The following ELP4 variants were observed in gnomAD, a reference collection of about 807,000 sequenced individuals.
The protein encoded by ELP4 is elongator complex protein 4.
Under a neutral mutation model 48.9 loss-of-function variants are expected in ELP4, and 51 were observed. The ratio of observed to expected loss-of-function variants is 1.04; its 90% CI spans 0.83 to 1.32. ELP4 has a LOEUF of 1.32. ELP4 is among the 40% of genes most tolerant of loss of function. The pLI is 0.00. For missense variants in ELP4, 519 were observed against 514.6 expected, an observed-to-expected ratio of 1.01 and a Z score of -0.08; for synonymous variants, 210 against 189.2, an observed-to-expected ratio of 1.11 and a Z score of -0.90.
intron 9 of ELP4, among the ~76,000 whole-genome samples, chr11:31,744,358 T>C (rs955315620): frequency 2.0e-5 from 3 of 152,040 alleles, no homozygotes; most frequent in Non-Finnish European, 2.9e-5. Context: ...TTCCAATCAA[T>C]AGAAAAAGAG....
intron 2 of ELP4, among the ~76,000 whole-genome samples, chr11:31,522,859 C>CTT (rs1161716080): frequency 1.5e-4 from 21 of 137,984 alleles, no homozygotes; most frequent in Non-Finnish European, 1.1e-4. Context: ...AAGTTCTCCA[C>CTT]TTTTTTTTTT....
At chr11:31,702,092 A>T (rs1946535884) in intron 9 of ELP4, among the ~76,000 whole-genome samples, 1 of 152,080 alleles carries the variant, frequency 6.6e-6, no homozygotes, top group South Asian at 2.1e-4. Context: ...ATGTTTACAC[A>T]TGTTGAGATG....
chr11:31,566,235 G>C (rs1251194454), intron 3 of ELP4, among the ~76,000 whole-genome samples: 1 of 152,070 alleles, frequency 6.6e-6, no homozygotes, highest in Non-Finnish European at 1.5e-5. Flanking sequence ...GTATGCACCT[G>C]TAGTCCCAGC....
chr11:31,725,462 T>C (rs989344403), intron 9 of ELP4, among the ~76,000 whole-genome samples: 1 of 152,192 alleles, frequency 6.6e-6, no homozygotes, highest in African/African-American at 2.4e-5. Flanking sequence ...CTCTCTGCCC[T>C]GCCATTTCTC....
chr11:31,750,295 A>T (rs529584153), intron 9 of ELP4, among the ~76,000 whole-genome samples: 1 of 152,222 alleles, frequency 6.6e-6, no homozygotes, highest in Non-Finnish European at 1.5e-5. Flanking sequence ...AATCAGCCTC[A>T]GTGTGGGTAG....
At chr11:31,523,843 A>G (rs1403205444) in intron 2 of ELP4, among the ~76,000 whole-genome samples, 1 of 152,138 alleles carries the variant, frequency 6.6e-6, no homozygotes, top group Non-Finnish European at 1.5e-5. Context: ...TTACTTTCTG[A>G]CAGTCTGTTA....
chr11:31,659,542 T>C (rs1381852175), intron 9 of ELP4, among the ~76,000 whole-genome samples: 2 of 152,194 alleles, frequency 1.3e-5, no homozygotes, highest in African/African-American at 2.4e-5. Flanking sequence ...AAAACTTGTT[T>C]CAAATATTAT....
intron 9 of ELP4, among the ~76,000 whole-genome samples, chr11:31,749,654 T>C (rs1387278818): frequency 6.6e-6 from 1 of 152,116 alleles, no homozygotes; most frequent in East Asian, 1.9e-4. Flanking sequence ...CTGTGGAGTA[T>C]AGGTAAAAAG....
chr11:31,629,134 T>C (rs1944807886), intron 6 of ELP4, among the ~76,000 whole-genome samples: 1 of 151,976 alleles, frequency 6.6e-6, no homozygotes, highest in Non-Finnish European at 1.5e-5. Context: ...GTGCAGACAT[T>C]TACAAATTGC....
intron 9 of ELP4, among the ~76,000 whole-genome samples, chr11:31,678,790 T>C (rs947291639): frequency 6.6e-6 from 1 of 152,126 alleles, no homozygotes; most frequent in Non-Finnish European, 1.5e-5. Flanking sequence ...GTATAACTGA[T>C]AGATTGTATA....
intron 3 of ELP4, among the ~76,000 whole-genome samples, chr11:31,562,076 G>A (rs1957033214): frequency 6.6e-6 from 1 of 152,118 alleles, no homozygotes; most frequent in African/African-American, 2.4e-5. Context: ...ACATATTGCT[G>A]GGACCTCGAT....
chr11:31,574,497 C>T (rs1957238137), intron 3 of ELP4, among the ~76,000 whole-genome samples: 1 of 152,244 alleles, frequency 6.6e-6, no homozygotes, highest in African/African-American at 2.4e-5. Context: ...CAACTGGGTC[C>T]CTGACCCCTG....
chr11:31,664,869 A>G (rs948803684), intron 9 of ELP4, among the ~76,000 whole-genome samples: 2 of 152,224 alleles, frequency 1.3e-5, no homozygotes, highest in African/African-American at 4.8e-5. Context: ...TTGAAAATAC[A>G]TTACAGAAAC....
chr11:31,652,667 C>G (rs1333901725), intron 9 of ELP4: 2 of 151,762 alleles, frequency 1.3e-5, no homozygotes, highest in Non-Finnish European at 2.9e-5. Context: ...AATAGGTAGT[C>G]TACTGAATCT....
At chr11:31,533,525 C>T (rs968618656) in intron 2 of ELP4, among the ~76,000 whole-genome samples, 1 of 151,376 alleles carries the variant, frequency 6.6e-6, no homozygotes. Flanking sequence ...CTACATGCGC[C>T]GGCCATCAAG....
rs771632358 is a variant in ELP4 at position 31,509,994 on chromosome 11, A to G, written c.210A>G (p.Leu70=). ...QLLVSTGLPA[L]DQLLGGGLAV... is the part of the protein sequence containing the mutation. Reference sequence around the variant, plus strand: ...TGGTATCAACCGGGCTCCCAGCCCTAGACCAGCTCTTAGGTCGGTTCAGAG... The same window carrying G: ...TGGTATCAACCGGGCTCCCAGCCCTGGACCAGCTCTTAGGTCGGTTCAGAG... The change falls in exon 1 of 10, where the codon CTA becomes CTG. Residue 70 remains leucine (L), a synonymous_variant. Coordinates refer to ENST00000640961, the MANE Select transcript of ELP4 (RefSeq NM_019040.5). 2.5e-6 allele frequency: 4 copies of G among 1,611,774 alleles called. No individual in the cohort carries two copies. The Admixed American group carries it at 6.7e-5, about 27-fold the overall frequency.
intron 9 of ELP4, among the ~76,000 whole-genome samples, chr11:31,679,388 A>G (rs1412230752): frequency 6.6e-6 from 1 of 152,196 alleles, no homozygotes; most frequent in Admixed American, 6.5e-5. Flanking sequence ...CTTAAACAAT[A>G]GAAATTTTAT....
In ELP4 at chr11:31,559,027, T is replaced by C. The variant is rs189241666; in HGVS notation, c.381+19244T>C. 2.3e-4 allele frequency among the ~76,000 whole-genome samples: 35 copies of C among 152,074 alleles called. 1 individual carries two copies. The East Asian group carries it at 2.3e-3, about 10-fold the overall frequency. On this transcript the variant is annotated intron_variant, in intron 3 of 9. Coordinates refer to ENST00000640961, the MANE Select transcript of ELP4 (RefSeq NM_019040.5). ...CAGAGGCATTAAAACTAAAAGAAAA[T>C]ACATTTTGTCAGCTCCCCAAATTAA...
At chr11:31,528,598 C>T (rs1309203873) in intron 2 of ELP4, among the ~76,000 whole-genome samples, 1 of 152,012 alleles carries the variant, frequency 6.6e-6, no homozygotes, top group East Asian at 1.9e-4. Context: ...TTAATAGGTA[C>T]CTCTTAAGAA....
Sources: gnomAD v4.1 joint callset for allele counts (sites outside exome capture counted in the v4.1 genomes callset) on GRCh38, gnomAD v4.1.1 for gene constraint, MANE v1.5 for transcripts, NCBI Gene and HGNC (gene_info 2026-07-23, HGNC 2026-07-21) for gene names.